The following METTL8 variants were observed in gnomAD, a reference collection of about 807,000 sequenced individuals.
The protein encoded by METTL8 is methyltransferase 8, tRNA N3-cytidine, also known as tRNA N(3)-cytidine methyltransferase METTL8, mitochondrial.
METTL8 carries 32 observed loss-of-function variants against 48.7 expected under a neutral mutation model. That is an observed-to-expected ratio of 0.66 (90% CI 0.50 to 0.88). METTL8 has a LOEUF of 0.88. Among genes scored for constraint, METTL8 ranks in the 40% least tolerant of loss-of-function variants. The pLI is 0.00. For synonymous variants in METTL8, 136 were observed against 157.1 expected (o/e 0.87, Z 1.01); for missense variants, 464 against 474.4 (o/e 0.98, Z 0.20).
At chr2:171,392,580 G>A (rs1375123925) in intron 1 of METTL8, among the ~76,000 whole-genome samples, 1 of 151,846 alleles carries the variant, frequency 6.6e-6, no homozygotes, top group East Asian at 1.9e-4. Context: ...TATATTTCTA[G>A]GAAATATTTT....
At position 171,425,239 on chromosome 2, in the gene METTL8, G is replaced by C. The variant is rs191842722; in HGVS notation, c.-13+8644C>G. 9.5e-4 allele frequency among the ~76,000 whole-genome samples: 145 copies of C among 152,200 alleles called. 1 individual carries two copies. The highest frequency in any genetic ancestry group is 9.3e-3 in the East Asian group (48 of 5,184). ...ATGTCTTTATTAGCAGTGTGAGAACGGACTAATACAATGCACATACCATAT... is the reference window on the plus strand; with the variant it reads ...ATGTCTTTATTAGCAGTGTGAGAACCGACTAATACAATGCACATACCATAT... On this transcript the variant is annotated intron_variant, in intron 1 of 9. Transcript: ENST00000375258.
chr2:171,425,289 A>G (rs1005687458), intron 1 of METTL8, among the ~76,000 whole-genome samples: 3 of 152,188 alleles, frequency 2.0e-5, no homozygotes, highest in African/African-American at 7.2e-5. Context: ...GTACCTAGGT[A>G]TATACTCTGG....
intron 1 of METTL8, among the ~76,000 whole-genome samples, chr2:171,432,743 T>C (rs1480107294): frequency 6.6e-6 from 1 of 152,228 alleles, no homozygotes; most frequent in Non-Finnish European, 1.5e-5. Flanking sequence ...ACACTTAAAC[T>C]GTGACCCAAC....
intron 9 of METTL8, among the ~76,000 whole-genome samples, chr2:171,325,121 CAAAAAA>C (rs3835041): frequency 6.6e-5 from 5 of 76,050 alleles, no homozygotes; most frequent in South Asian, 5.0e-4. Context: ...GACTCTGTCT[CAAAAAA>C]AAAAAAAAAA....
At chr2:171,377,596 A>G (rs1687103524) in intron 2 of METTL8, among the ~76,000 whole-genome samples, 1 of 152,260 alleles carries the variant, frequency 6.6e-6, no homozygotes, top group African/African-American at 2.4e-5. Context: ...GCAATTCTCA[A>G]AAGAAGATGT....
At position 171,365,470 on chromosome 2, in the gene METTL8, G is replaced by A. The variant is rs545001014; in HGVS notation, c.144-4957C>T. On this transcript the variant is annotated intron_variant, in intron 2 of 9. Coordinates refer to ENST00000375258, the MANE Select transcript of METTL8 (RefSeq NM_001321154.2). ...CTTGTAAACCAATAAATTGGGTGGA[G>A]GCCGAGAGCTCAGGGCCGTGAGCAA... is the stretch of plus-strand genomic sequence containing the variant. Among the ~76,000 whole-genome samples, 15 of 152,218 alleles carry A rather than the reference G, an allele frequency of 9.9e-5. No individual in the cohort carries two copies. The South Asian group carries it at 2.9e-3, about 29-fold the overall frequency.
At chr2:171,424,649 G>T (rs1392691653) in intron 1 of METTL8, among the ~76,000 whole-genome samples, 2 of 152,152 alleles carry the variant, frequency 1.3e-5, no homozygotes, top group Non-Finnish European at 2.9e-5. Context: ...ATTTGGAATG[G>T]GTGTATTTAC....
At chr2:171,397,467 T>A (rs1347778868) in intron 1 of METTL8, among the ~76,000 whole-genome samples, 1 of 136,880 alleles carries the variant, frequency 7.3e-6, no homozygotes, top group Non-Finnish European at 1.5e-5. Context: ...CGAGGGAGGA[T>A]CACTTGAGTT....
intron 3 of METTL8, among the ~76,000 whole-genome samples, chr2:171,345,872 A>G (rs1283793281): frequency 6.6e-6 from 1 of 152,236 alleles, no homozygotes. Context: ...AAAATTGCCA[A>G]ATGTATCTTT....
intron 3 of METTL8, among the ~76,000 whole-genome samples, chr2:171,340,539 A>C (rs1223700370): frequency 6.6e-6 from 1 of 151,246 alleles, no homozygotes; most frequent in African/African-American, 2.4e-5. Flanking sequence ...GAGCAGTGAG[A>C]CAGAGTGAGA....
intron 2 of METTL8, among the ~76,000 whole-genome samples, chr2:171,369,296 ACT>A (rs920649245): frequency 2.0e-5 from 3 of 152,140 alleles, no homozygotes; most frequent in African/African-American, 7.2e-5. Flanking sequence ...AGAGAGCGAG[ACT>A]CTGTCTCAAA....
intron 7 of METTL8, among the ~76,000 whole-genome samples, chr2:171,326,664 A>G (rs1485550961): frequency 1.3e-5 from 2 of 152,164 alleles, no homozygotes; most frequent in Non-Finnish European, 2.9e-5. Flanking sequence ...TTTTTCTTCC[A>G]CTGTCCTCTC....
In METTL8 at chr2:171,393,108, CAAACA is replaced by C. The variant is rs962856627; in HGVS notation, c.-12-916_-12-912del. On this transcript the variant is annotated intron_variant, in intron 1 of 9. Transcript: ENST00000375258. The stretch of plus-strand genomic sequence containing the variant: ...AACAGAATAAGACTCTGTCTCAAAA[CAAACA>C]AAACAAAACAAAAATGCATGCTTAA... 4.0e-5 allele frequency among the ~76,000 whole-genome samples: 6 copies of C among 151,288 alleles called. No individual in the cohort carries two copies. In the Middle Eastern group the frequency reaches 0.014, roughly 348 times the overall value.
At chr2:171,412,329 G>A (rs13395084) in intron 1 of METTL8, among the ~76,000 whole-genome samples, 8,434 of 152,118 alleles carry the variant, frequency 0.055, 257 homozygotes, top group African/African-American at 0.072. Flanking sequence ...CAAAAGAAAA[G>A]GACCATCTCT....
intron 1 of METTL8, among the ~76,000 whole-genome samples, chr2:171,393,830 G>A (rs542212857): frequency 1.3e-5 from 2 of 152,208 alleles, no homozygotes; most frequent in South Asian, 4.1e-4. Context: ...ATTCCAAAAT[G>A]AACTGCAGAA....
chr2:171,415,414 G>A (rs895479030), intron 1 of METTL8, among the ~76,000 whole-genome samples: 8 of 145,190 alleles, frequency 5.5e-5, no homozygotes, highest in South Asian at 2.2e-4. Context: ...GTGCAGTGGC[G>A]CGATCTTGGC....
At chr2:171,391,915 C>G (rs539429097) in intron 2 of METTL8, 128 bp downstream of exon 2, 1 of 898,896 alleles carries the variant, frequency 1.1e-6, no homozygotes, top group East Asian at 2.7e-5. Flanking sequence ...GTTACCCTAG[C>G]TTTTGGACCT....
At chr2:171,347,497 C>G (rs1683401683) in intron 3 of METTL8, among the ~76,000 whole-genome samples, 1 of 152,180 alleles carries the variant, frequency 6.6e-6, no homozygotes, top group Non-Finnish European at 1.5e-5. Context: ...CACTGCTCAT[C>G]TATTTATGTT....
intron 7 of METTL8, among the ~76,000 whole-genome samples, chr2:171,330,019 T>A (rs1685352811): frequency 6.6e-6 from 1 of 152,252 alleles, no homozygotes; most frequent in African/African-American, 2.4e-5. Flanking sequence ...GTCATAAATA[T>A]TTAAATGATG....
Sources: allele counts gnomAD v4.1 joint callset (sites outside exome capture counted in the v4.1 genomes callset), GRCh38; gene constraint gnomAD v4.1.1; transcripts MANE v1.5; gene names NCBI Gene and HGNC (gene_info 2026-07-23, HGNC 2026-07-21).